PTPRN2: variants seen among roughly 807,000 people sequenced by gnomAD.
PTPRN2 encodes the protein receptor-type tyrosine-protein phosphatase N2.
A neutral mutation model predicts 118.8 loss-of-function variants in PTPRN2; 74 were observed. The observed-to-expected ratio is 0.62, with a 90% CI of 0.52 to 0.76. The LOEUF is 0.76. PTPRN2 is among the 30% of genes least tolerant of loss of function. The pLI is 0.00. For synonymous variants in PTPRN2, 641 were observed against 608.0 expected, an observed-to-expected ratio of 1.05 and a Z score of -0.80; for missense variants, 1,481 against 1,394.4, an observed-to-expected ratio of 1.06 and a Z score of -0.99.
intron 9 of PTPRN2, 68 bp from the exon 10 acceptor site, chr7:158,110,983 G>T: frequency 1.5e-6 from 2 of 1,367,242 alleles, no homozygotes; most frequent in South Asian, 2.5e-5. Context: ...CTAAAGCCCT[G>T]TGGCCCCACA....
chr7:157,692,931 C>T (rs1239588968), intron 12 of PTPRN2, among the ~76,000 whole-genome samples: 1 of 152,052 alleles, frequency 6.6e-6, no homozygotes, highest in East Asian at 1.9e-4. Flanking sequence ...TCCCAGGGAC[C>T]TTCTCGGGCA....
chr7:158,210,019 C>G (rs1174367445), intron 3 of PTPRN2, among the ~76,000 whole-genome samples: 1 of 151,688 alleles, frequency 6.6e-6, no homozygotes, highest in Admixed American at 6.6e-5. Flanking sequence ...ACAAACACAA[C>G]ATACCAAAAA....
intron 3 of PTPRN2, among the ~76,000 whole-genome samples, chr7:158,224,793 C>G (rs540310148): frequency 5.3e-5 from 8 of 152,100 alleles, no homozygotes; most frequent in Non-Finnish European, 7.3e-5. Flanking sequence ...AAACAATGAG[C>G]GCAGAGTTGG....
rs183548951 is a variant in PTPRN2, at chr7:157,590,046, T to C, written c.2496+5192A>G. On this transcript the variant is annotated intron_variant, in intron 17 of 22. Coordinates refer to ENST00000389418, the MANE Select transcript of PTPRN2 (RefSeq NM_002847.5). This position sits in a 1 kb window ranked among gnomAD's most constrained non-coding sequence, Gnocchi z 4.0. Reference sequence around the variant, plus strand: ...TCAGCACCCTTTTTGAATTTATGATTGCAGAAGGAACATCATATTCCAGAT... The same window carrying C: ...TCAGCACCCTTTTTGAATTTATGATCGCAGAAGGAACATCATATTCCAGAT... Among the ~76,000 whole-genome samples, 403 of 152,332 alleles carry C rather than the reference T, an allele frequency of 2.6e-3. 3 individuals are homozygous for C. Among genetic ancestry groups the C allele is most frequent in the African/African-American group, 9.2e-3 (383 of 41,554 alleles).
chr7:157,655,191 C>G (rs961216403), intron 14 of PTPRN2, among the ~76,000 whole-genome samples: 11 of 152,162 alleles, frequency 7.2e-5, no homozygotes, highest in Admixed American at 5.2e-4. Context: ...GCTCAGGGAT[C>G]GGGAAAGCCA....
rs1803530064 is a variant in PTPRN2 at position 157,779,252 on chromosome 7, G to C, written c.1789-96315C>G. Among the ~76,000 whole-genome samples, 1 of 152,186 alleles carries C rather than the reference G, an allele frequency of 6.6e-6. No homozygotes were observed. The highest frequency in any genetic ancestry group is 6.5e-5 in the Admixed American group (1 of 15,280). On this transcript the variant is annotated intron_variant, in intron 12 of 22. Coordinates refer to ENST00000389418, the MANE Select transcript of PTPRN2 (RefSeq NM_002847.5). This position sits in a 1 kb window ranked among gnomAD's most constrained non-coding sequence, Gnocchi z 4.7. ...CATGGGAGCCCCGCCCTGGCTGCCA[G>C]GCTTCCCTGGGCAAGGTCAGCAAGG...
At chr7:158,232,635 AC>A (rs779825193) in intron 3 of PTPRN2, among the ~76,000 whole-genome samples, 60 of 150,088 alleles carry the variant, frequency 4.0e-4, no homozygotes, top group South Asian at 1.7e-3. Context: ...AAAAGACAAG[AC>A]AAAAAAAAAG....
chr7:158,275,664 G>A (rs888536956), intron 3 of PTPRN2, among the ~76,000 whole-genome samples: 3 of 152,186 alleles, frequency 2.0e-5, no homozygotes, highest in Admixed American at 1.3e-4. Context: ...AGTAATTTTT[G>A]TTCTTTGGTG....
At chr7:158,357,529 G>A (rs1186767491) in intron 2 of PTPRN2, among the ~76,000 whole-genome samples, 1 of 152,224 alleles carries the variant, frequency 6.6e-6, no homozygotes, top group African/African-American at 2.4e-5. Flanking sequence ...TCAGGGTGCT[G>A]GGCAACCTGC....
At position 157,828,027 on chromosome 7, in the gene PTPRN2, C is replaced by T. The variant is rs537616540; in HGVS notation, c.1788+70646G>A. 5.3e-5 allele frequency among the ~76,000 whole-genome samples: 8 copies of T among 152,334 alleles called. No homozygotes were observed. The South Asian group carries it at 8.3e-4, about 16-fold the overall frequency. On this transcript the variant is annotated intron_variant, in intron 12 of 22. Coordinates refer to ENST00000389418, the MANE Select transcript of PTPRN2 (RefSeq NM_002847.5). Reference sequence around the variant, plus strand: ...GGGGTGCAGCTCTGGGCGTCCCCACCGTGGGACCTGCCTGCCTTCACGGCC... The same window carrying T: ...GGGGTGCAGCTCTGGGCGTCCCCACTGTGGGACCTGCCTGCCTTCACGGCC...
intron 11 of PTPRN2, among the ~76,000 whole-genome samples, chr7:158,078,661 A>C (rs1812565093): frequency 6.6e-6 from 1 of 151,980 alleles, no homozygotes; most frequent in Non-Finnish European, 1.5e-5. Flanking sequence ...CGCTCTCCCG[A>C]GGCTGATGGG....
chr7:158,005,199 C>G (rs922465793), intron 11 of PTPRN2, among the ~76,000 whole-genome samples: 3 of 151,940 alleles, frequency 2.0e-5, no homozygotes, highest in African/African-American at 7.3e-5. Flanking sequence ...CTCAGTCTGC[C>G]GAGTAGCTGG....
intron 2 of PTPRN2, among the ~76,000 whole-genome samples, chr7:158,319,048 T>A (rs975644762): frequency 3.3e-5 from 5 of 152,276 alleles, no homozygotes; most frequent in African/African-American, 1.2e-4. Context: ...CTTTAAATTT[T>A]GTTTCTTGCA....
chr7:158,005,639 G>GGGGTGC, intron 11 of PTPRN2, among the ~76,000 whole-genome samples: 1 of 152,208 alleles, frequency 6.6e-6, no homozygotes, highest in African/African-American at 2.4e-5. Context: ...GGTGCAGGGG[G>GGGGTGC]AGGTGCAGGG....
intron 9 of PTPRN2, among the ~76,000 whole-genome samples, chr7:158,126,881 C>A (rs528886304): frequency 6.6e-6 from 1 of 152,212 alleles, no homozygotes; most frequent in Non-Finnish European, 1.5e-5. Context: ...AAGTTCCTCT[C>A]CCTGGCCGGC....
chr7:158,127,503 G>A (rs528763620), intron 9 of PTPRN2, among the ~76,000 whole-genome samples: 8 of 152,290 alleles, frequency 5.3e-5, no homozygotes, highest in Admixed American at 1.3e-4. Context: ...GACCCTGGAT[G>A]CCGGACTTCC....
intron 2 of PTPRN2, among the ~76,000 whole-genome samples, chr7:158,462,608 A>G (rs1819087269): frequency 6.6e-6 from 1 of 152,194 alleles, no homozygotes; most frequent in Non-Finnish European, 1.5e-5. Flanking sequence ...TAAAACTAAG[A>G]CAAAAAGGAG....
chr7:158,131,441 A>T (rs1159546228), intron 9 of PTPRN2, among the ~76,000 whole-genome samples: 2 of 151,640 alleles, frequency 1.3e-5, no homozygotes, highest in African/African-American at 2.4e-5. Context: ...ACGAACATAC[A>T]AACTGAAACA....
intron 12 of PTPRN2, among the ~76,000 whole-genome samples, chr7:157,725,559 G>C (rs59733284): frequency 3.4e-5 from 4 of 117,770 alleles, no homozygotes; most frequent in East Asian, 2.4e-4. Context: ...ATATCCACAC[G>C]CAGAGGAGTG....
Sources: gnomAD v4.1 joint callset for allele counts (sites outside exome capture counted in the v4.1 genomes callset) on GRCh38, gnomAD v4.1.1 for gene constraint, Gnocchi (gnomAD v3.1) non-coding constraint, MANE v1.5 for transcripts, NCBI Gene and HGNC (gene_info 2026-07-23, HGNC 2026-07-21) for gene names.